The following SUMF1 variants were observed in gnomAD, a reference collection of about 807,000 sequenced individuals.
SUMF1 encodes the protein sulfatase modifying factor 1.
SUMF1 carries 48 observed loss-of-function variants against 47.6 expected under a neutral mutation model. The observed-to-expected ratio is 1.01, with a 90% CI of 0.80 to 1.28. The LOEUF is 1.28. Among genes scored for constraint, SUMF1 ranks in the 50% most tolerant of loss-of-function variants. The pLI, the probability that SUMF1 is intolerant of heterozygous loss-of-function variation, is 0.00. For missense variants in SUMF1, 571 were observed against 485.4 expected, an observed-to-expected ratio of 1.18 and a Z score of -1.66; for synonymous variants, 230 against 192.1, an observed-to-expected ratio of 1.20 and a Z score of -1.63.
chr3:4,439,035 C>T (rs1295091462), intron 3 of SUMF1, among the ~76,000 whole-genome samples: 1 of 152,004 alleles, frequency 6.6e-6, no homozygotes, highest in Non-Finnish European at 1.5e-5. Flanking sequence ...ATCTTATAAA[C>T]TATGTGTTAA....
chr3:4,242,116 C>T (rs960928995), intron 8 of SUMF1, among the ~76,000 whole-genome samples: 10 of 152,146 alleles, frequency 6.6e-5, no homozygotes, highest in Non-Finnish European at 1.5e-4. Context: ...GATATTTGCA[C>T]ATTGACTTTG....
chr3:4,224,059 C>T (rs1355207985), intron 8 of SUMF1, among the ~76,000 whole-genome samples: 3 of 151,850 alleles, frequency 2.0e-5, no homozygotes, highest in Admixed American at 6.6e-5. Context: ...AACCAGGGGC[C>T]GGGGGTGGAG....
intron 8 of SUMF1, among the ~76,000 whole-genome samples, chr3:4,177,589 A>G (rs1437294216): frequency 6.6e-6 from 1 of 152,210 alleles, no homozygotes; most frequent in African/African-American, 2.4e-5. Context: ...AGAAAGCAGG[A>G]AAGATCTAAA....
intron 8 of SUMF1, among the ~76,000 whole-genome samples, chr3:4,178,477 A>G (rs1371605296): frequency 6.6e-6 from 1 of 152,204 alleles, no homozygotes; most frequent in Non-Finnish European, 1.5e-5. Context: ...AAGGCCTTTG[A>G]CAAAATTCAA....
At chr3:4,203,324 TTTA>T (rs1695580381) in intron 8 of SUMF1, among the ~76,000 whole-genome samples, 1 of 152,012 alleles carries the variant, frequency 6.6e-6, no homozygotes, top group South Asian at 2.1e-4. Context: ...AATTCACTTC[TTTA>T]TCATTAATGA....
chr3:4,336,857 A>G (rs1699163260), intron 8 of SUMF1, among the ~76,000 whole-genome samples: 1 of 152,222 alleles, frequency 6.6e-6, no homozygotes, highest in Admixed American at 6.5e-5. Flanking sequence ...CTGGGAAAAT[A>G]CAAATTACTT....
chr3:4,362,922 G>GA (rs149602676), intron 8 of SUMF1, among the ~76,000 whole-genome samples: 4,536 of 149,166 alleles, frequency 0.03, 200 homozygotes, highest in African/African-American at 0.1. Flanking sequence ...TCCAAAAAAA[G>GA]AAAAAAAAAC....
At chr3:4,340,028 A>C (rs308720) in intron 8 of SUMF1, among the ~76,000 whole-genome samples, 1 of 151,710 alleles carries the variant, frequency 6.6e-6, no homozygotes, top group Admixed American at 6.6e-5. Context: ...TAGTGAGCCA[A>C]GATCGCACCA....
intron 2 of SUMF1, among the ~76,000 whole-genome samples, chr3:4,451,932 C>A (rs564327173): frequency 6.6e-6 from 1 of 152,152 alleles, no homozygotes; most frequent in Non-Finnish European, 1.5e-5. Context: ...ATCCACCCAC[C>A]TCAGCCTCCC....
At chr3:4,319,638 T>A (rs527712120) in intron 8 of SUMF1, among the ~76,000 whole-genome samples, 2 of 152,360 alleles carry the variant, frequency 1.3e-5, no homozygotes, top group East Asian at 3.9e-4. Flanking sequence ...GTCATTTCTA[T>A]GGGACAGTTG....
At chr3:4,367,613 A>G (rs1000885604) in intron 8 of SUMF1, among the ~76,000 whole-genome samples, 18 of 152,012 alleles carry the variant, frequency 1.2e-4, no homozygotes, top group South Asian at 2.1e-4. Context: ...AACCAAAACA[A>G]CATGGTACTG....
At chr3:4,150,795 T>C (rs960632996) in intron 8 of SUMF1, among the ~76,000 whole-genome samples, 2 of 151,454 alleles carry the variant, frequency 1.3e-5, no homozygotes, top group Admixed American at 6.6e-5. Context: ...GAGGAGTATA[T>C]TGCTGCCCCA....
chr3:4,254,871 C>T (rs1403372251), intron 8 of SUMF1, among the ~76,000 whole-genome samples: 7 of 152,154 alleles, frequency 4.6e-5, no homozygotes, highest in South Asian at 2.1e-4. Flanking sequence ...AGAGAAAGGT[C>T]GGGTTACCCT....
chr3:4,231,782 A>C (rs1376025115), intron 8 of SUMF1, among the ~76,000 whole-genome samples: 3 of 152,160 alleles, frequency 2.0e-5, no homozygotes, highest in Non-Finnish European at 2.9e-5. Flanking sequence ...ATGGGAGGTA[A>C]ATATGTATGC....
rs1332670037 is a variant in SUMF1 at position 4,467,110 on chromosome 3, G to A, written c.136C>T (p.Leu46Phe). 7 of 1,561,842 alleles carry A rather than the reference G, an allele frequency of 4.5e-6. No homozygotes were observed. The highest frequency in any genetic ancestry group is 2.4e-5 in the East Asian group (1 of 41,734). ...GTGCCGCAGCCGCAAGAACCCGCAA[G>A]GGACCCCGCGCCCGCACCGGTCCCG... is the stretch of plus-strand genomic sequence containing the variant. The part of the protein sequence containing the change: ...EAGTGAGAGS[L>F]AGSCGCGTPQ... Residue 46 changes from leucine to phenylalanine, a missense_variant, in exon 1 of 9, where the codon CTT becomes TTT. Physicochemically the swap from Leu to Phe is conservative, Grantham distance 22. Coordinates refer to ENST00000272902, the MANE Select transcript of SUMF1 (RefSeq NM_182760.4).
At chr3:4,187,602 G>C (rs913936580) in intron 8 of SUMF1, among the ~76,000 whole-genome samples, 34 of 152,088 alleles carry the variant, frequency 2.2e-4, no homozygotes, top group Non-Finnish European at 1.0e-4. Flanking sequence ...ATTTTATTGA[G>C]GGTTTCCCAA....
chr3:4,448,992 C>A (rs1255033409), intron 3 of SUMF1, among the ~76,000 whole-genome samples: 1 of 152,190 alleles, frequency 6.6e-6, no homozygotes, highest in Non-Finnish European at 1.5e-5. Context: ...GTGTCTGGAG[C>A]CTACTGAGCT....
chr3:4,132,405 C>T (rs1693813636), intron 8 of SUMF1, among the ~76,000 whole-genome samples: 1 of 152,092 alleles, frequency 6.6e-6, no homozygotes, highest in African/African-American at 2.4e-5. Flanking sequence ...ACAATGTCAA[C>T]TAGGTGACAA....
intron 8 of SUMF1, among the ~76,000 whole-genome samples, chr3:4,318,753 C>T (rs897684696): frequency 6.6e-6 from 1 of 152,056 alleles, no homozygotes; most frequent in African/African-American, 2.4e-5. Flanking sequence ...ACTAAAACTA[C>T]AAAAATAAGC....
Sources: gnomAD v4.1 joint callset for allele counts (sites outside exome capture counted in the v4.1 genomes callset) on GRCh38, gnomAD v4.1.1 for gene constraint, MANE v1.5 for transcripts, NCBI Gene and HGNC (gene_info 2026-07-23, HGNC 2026-07-21) for gene names.